Variants in EPHA3 observed in about 807,000 individuals in gnomAD.
The protein encoded by EPHA3 is EPH receptor A3.
Under a neutral mutation model 107.1 loss-of-function variants are expected in EPHA3, and 42 were observed. That is an observed-to-expected ratio of 0.39 (90% CI 0.31 to 0.51). EPHA3 has a LOEUF of 0.51. EPHA3 is among the 20% of genes least tolerant of loss of function. The pLI, the probability that EPHA3 is intolerant of heterozygous loss-of-function variation, is 0.78. For missense variants in EPHA3, 1,183 were observed against 1,211.2 expected, an observed-to-expected ratio of 0.98 and a Z score of 0.35; for synonymous variants, 461 against 424.8, an observed-to-expected ratio of 1.09 and a Z score of -1.05.
chr3:89,262,187 T>C (rs1576273455), intron 3 of EPHA3, among the ~76,000 whole-genome samples: 1 of 152,228 alleles, frequency 6.6e-6, no homozygotes, highest in Non-Finnish European at 1.5e-5. Flanking sequence ...GTATTGATAG[T>C]AATAAAAATA....
chr3:89,116,221 G>C (rs918016133), intron 1 of EPHA3, among the ~76,000 whole-genome samples: 7 of 152,060 alleles, frequency 4.6e-5, no homozygotes, highest in African/African-American at 9.7e-5. Flanking sequence ...GATTTTGTCA[G>C]GAATTCCATA....
At position 89,472,688 on chromosome 3, in the gene EPHA3, T is replaced by A. The variant is rs1186737361; in HGVS notation, c.2846+69T>A. 2.6e-6 allele frequency: 4 copies of A among 1,517,714 alleles called. No homozygotes were observed. In the East Asian group the frequency reaches 9.3e-5, roughly 35 times the overall value. The allele number at this position is 1,517,714 out of a possible 1,614,324, so 94.0% of individuals were successfully genotyped here. A position where few individuals can be genotyped will look rare whatever the true frequency, so the allele number is the denominator to read the frequency against. On this transcript the variant is annotated intron_variant, in intron 16 of 16. Coordinates refer to ENST00000336596, the MANE Select transcript of EPHA3 (RefSeq NM_005233.6). ...AACTTTCTTGGCTTGACATGAAAGATTTGTAACATCTTGGCTTGACATGTT... is the reference window on the plus strand; with the variant it reads ...AACTTTCTTGGCTTGACATGAAAGAATTGTAACATCTTGGCTTGACATGTT...
intron 3 of EPHA3, among the ~76,000 whole-genome samples, chr3:89,282,380 T>G (rs980796413): frequency 1.3e-5 from 2 of 152,134 alleles, no homozygotes; most frequent in African/African-American, 4.8e-5. Flanking sequence ...AATATAGAAT[T>G]TATCATACTT....
chr3:89,353,578 A>T (rs1391502607), intron 5 of EPHA3, among the ~76,000 whole-genome samples: 2 of 151,446 alleles, frequency 1.3e-5, no homozygotes, highest in Non-Finnish European at 1.5e-5. Context: ...CCTGTTTTGA[A>T]ATCAAGGCAG....
intron 2 of EPHA3, among the ~76,000 whole-genome samples, chr3:89,192,802 A>G (rs1192279255): frequency 6.6e-6 from 1 of 152,080 alleles, no homozygotes; most frequent in African/African-American, 2.4e-5. Flanking sequence ...GACATGTAAT[A>G]TTAGGCAAAT....
At chr3:89,285,697 A>G (rs4425279) in intron 3 of EPHA3, among the ~76,000 whole-genome samples, 119,878 of 152,152 alleles carry the variant, frequency 0.79, 47,367 homozygotes, top group Admixed American at 0.81. Context: ...AAAACACCAA[A>G]GATTCTGTCT....
intron 2 of EPHA3, among the ~76,000 whole-genome samples, chr3:89,190,487 C>A (rs1705687201): frequency 6.6e-6 from 1 of 152,044 alleles, no homozygotes; most frequent in African/African-American, 2.4e-5. Context: ...AAGATATATT[C>A]TTTGTTACAT....
chr3:89,270,835 G>A (rs1439692171), intron 3 of EPHA3, among the ~76,000 whole-genome samples: 1 of 151,872 alleles, frequency 6.6e-6, no homozygotes, highest in East Asian at 1.9e-4. Context: ...TACATATAAA[G>A]TAAACTAGAG....
At chr3:89,345,679 A>C (rs1028881011) in intron 5 of EPHA3, among the ~76,000 whole-genome samples, 2 of 143,970 alleles carry the variant, frequency 1.4e-5, no homozygotes, top group Non-Finnish European at 3.1e-5. Context: ...GGTTAGTTAC[A>C]TATGTATACA....
At chr3:89,146,077 G>T (rs1704551547) in intron 2 of EPHA3, among the ~76,000 whole-genome samples, 2 of 151,778 alleles carry the variant, frequency 1.3e-5, no homozygotes, top group African/African-American at 4.8e-5. Flanking sequence ...ACATTACATG[G>T]AAAATTCTAG....
chr3:89,239,418 A>G (rs1704842708), intron 3 of EPHA3, among the ~76,000 whole-genome samples: 1 of 152,222 alleles, frequency 6.6e-6, no homozygotes, highest in South Asian at 2.1e-4. Context: ...CCAAGCCAAC[A>G]GAATAATAAT....
intron 5 of EPHA3, among the ~76,000 whole-genome samples, chr3:89,380,868 A>C (rs1218618173): frequency 6.6e-6 from 1 of 151,570 alleles, no homozygotes; most frequent in Non-Finnish European, 1.5e-5. Context: ...TCCTGGGTTC[A>C]AGCAATTCGC....
chr3:89,224,065 A>G (rs1704444988), intron 3 of EPHA3, among the ~76,000 whole-genome samples: 1 of 152,170 alleles, frequency 6.6e-6, no homozygotes, highest in African/African-American at 2.4e-5. Context: ...GTACTATAAC[A>G]ATATCTAACA....
At chr3:89,139,724 A>T (rs950163201) in intron 2 of EPHA3, among the ~76,000 whole-genome samples, 1 of 151,758 alleles carries the variant, frequency 6.6e-6, no homozygotes, top group African/African-American at 2.4e-5. Context: ...TTGAGGCTCA[A>T]GTAGGCTTAG....
At chr3:89,152,675 C>A (rs75973854) in intron 2 of EPHA3, among the ~76,000 whole-genome samples, 2,034 of 152,120 alleles carry the variant, frequency 0.013, 52 homozygotes, top group African/African-American at 0.047. Flanking sequence ...ATGTTTTTTA[C>A]AGAGTCAAAA....
At position 89,407,273 on chromosome 3, in the gene EPHA3, C is replaced by T. The variant is rs758071210; in HGVS notation, c.1599C>T (p.Phe533=). ...TTTTTCTCTTCAACCTCACAGCTTT[C>T]TCCATCTCTGGTGAAAGTAGCCAAG... is the stretch of plus-strand genomic sequence containing the variant. ...KFEFETSPDS[F]SISGESSQVV... is the part of the protein sequence containing the mutation. Residue 533 remains phenylalanine (F), a synonymous_variant, in exon 8 of 17, where the codon TTC becomes TTT. Transcript: ENST00000336596. 5 of 1,613,134 alleles carry T rather than the reference C, an allele frequency of 3.1e-6. No individual in the cohort carries two copies. The Admixed American group carries it at 6.7e-5, about 22-fold the overall frequency.
At chr3:89,365,845 C>A (rs1345013645) in intron 5 of EPHA3, among the ~76,000 whole-genome samples, 1 of 150,744 alleles carries the variant, frequency 6.6e-6, no homozygotes, top group Non-Finnish European at 1.5e-5. Flanking sequence ...CATGCAATTT[C>A]TTCACCTGGG....
Position 89,367,177 on chromosome 3 carries a change from T to C in EPHA3, c.1306+25087T>C, listed in dbSNP as rs184806810. ...CCTGCCAATTAATACCTTTCCACTTTATGCTCCATGAATACATTTTCTTGT... is the reference window on the plus strand; with the variant it reads ...CCTGCCAATTAATACCTTTCCACTTCATGCTCCATGAATACATTTTCTTGT... On this transcript the variant is annotated intron_variant, in intron 5 of 16. Coordinates refer to ENST00000336596, the MANE Select transcript of EPHA3 (RefSeq NM_005233.6). Among the ~76,000 whole-genome samples, 28 of 151,020 alleles carry C rather than the reference T, an allele frequency of 1.9e-4. 1 individual carries two copies. The highest frequency in any genetic ancestry group is 2.1e-4 in the Non-Finnish European group (14 of 67,330).
chr3:89,289,818 C>T (rs1706171585), intron 3 of EPHA3, among the ~76,000 whole-genome samples: 1 of 152,006 alleles, frequency 6.6e-6, no homozygotes, highest in South Asian at 2.1e-4. Flanking sequence ...TGCCACTCTG[C>T]CATTCTTCCT....
Sources: allele counts gnomAD v4.1 joint callset (sites outside exome capture counted in the v4.1 genomes callset), GRCh38; gene constraint gnomAD v4.1.1; transcripts MANE v1.5; gene names NCBI Gene and HGNC (gene_info 2026-07-23, HGNC 2026-07-21).